The following RGL1 variants were observed in gnomAD, a reference collection of about 807,000 sequenced individuals.
RGL1 encodes the protein ral guanine nucleotide dissociation stimulator-like 1.
In RGL1, 24 loss-of-function variants were observed where a neutral mutation model predicts 95.2. The observed-to-expected ratio is 0.25, with a 90% confidence interval of 0.18 to 0.35. The LOEUF is 0.35. Among genes scored for constraint, RGL1 ranks in the 10% least tolerant of loss-of-function variants. The probability of loss-of-function intolerance (pLI) is 1.00; values close to 1 mark genes in which losing one functional copy is unlikely to be tolerated. For synonymous variants in RGL1, 329 were observed against 344.9 expected (o/e 0.95, Z 0.51); for missense variants, 715 against 936.3 (o/e 0.76, Z 3.08).
intron 4 of RGL1, among the ~76,000 whole-genome samples, chr1:183,877,918 G>GT: frequency 6.6e-6 from 1 of 152,290 alleles, no homozygotes; most frequent in African/African-American, 2.4e-5. Flanking sequence ...CTCCATAGAG[G>GT]TAAGTGCTGT....
chr1:183,667,455 G>T (rs995365674), intron 1 of RGL1, among the ~76,000 whole-genome samples: 1 of 152,042 alleles, frequency 6.6e-6, no homozygotes, highest in African/African-American at 2.4e-5. Flanking sequence ...CTCCTGAGTA[G>T]CTGGGATTAC....
chr1:183,917,799 T>C (rs1224064102), intron 16 of RGL1, among the ~76,000 whole-genome samples: 2 of 151,684 alleles, frequency 1.3e-5, no homozygotes, highest in African/African-American at 2.4e-5. Context: ...CACAGAGGAG[T>C]GTGTTAATCC....
chr1:183,697,742 A>G (rs1053947845), intron 1 of RGL1, among the ~76,000 whole-genome samples: 3 of 152,224 alleles, frequency 2.0e-5, no homozygotes, highest in Non-Finnish European at 4.4e-5. Context: ...CTGGTACTTC[A>G]TCTGCAGATG....
intron 1 of RGL1, among the ~76,000 whole-genome samples, chr1:183,668,706 G>GA (rs1652216169): frequency 6.6e-6 from 1 of 151,664 alleles, no homozygotes; most frequent in African/African-American, 2.4e-5. Flanking sequence ...TATCTTGCTT[G>GA]GTGTTCTCTG....
At chr1:183,922,878 A>G (rs1669393491) in intron 17 of RGL1, among the ~76,000 whole-genome samples, 1 of 152,236 alleles carries the variant, frequency 6.6e-6, no homozygotes, top group Admixed American at 6.5e-5. Context: ...AAGAACTGGT[A>G]ATCTATGAAA....
At position 183,716,525 on chromosome 1, in the gene RGL1, A is replaced by T. The variant is rs534055706; in HGVS notation, c.-32-25601A>T. On this transcript the variant is annotated intron_variant, in intron 1 of 18. Transcript: ENST00000304685. ...AGAAAAGAGCATGGAGAAGTGCCAC[A>T]TGGGAGGATTTTATGAGCTAGGCCA... 5.3e-5 allele frequency among the ~76,000 whole-genome samples: 8 copies of T among 152,328 alleles called. No homozygotes were observed. In the East Asian group the frequency reaches 1.3e-3, roughly 26 times the overall value.
At chr1:183,924,154 A>G (rs1669477111) in intron 17 of RGL1, among the ~76,000 whole-genome samples, 2 of 140,362 alleles carry the variant, frequency 1.4e-5, no homozygotes, top group Non-Finnish European at 3.2e-5. Context: ...TCTGCTATAA[A>G]GACACATGCA....
intron 1 of RGL1, among the ~76,000 whole-genome samples, chr1:183,737,651 C>T (rs1657024801): frequency 6.6e-6 from 1 of 151,812 alleles, no homozygotes; most frequent in South Asian, 2.1e-4. Flanking sequence ...CAAGCAAGCA[C>T]ATCTTTCTTC....
chr1:183,894,335 A>T (rs1230115572), intron 9 of RGL1, among the ~76,000 whole-genome samples: 1 of 152,202 alleles, frequency 6.6e-6, no homozygotes, highest in African/African-American at 2.4e-5. Context: ...ACCTTTCTTA[A>T]ATGCAGAAGT....
chr1:183,917,298 T>C (rs1385081782), intron 16 of RGL1, among the ~76,000 whole-genome samples: 1 of 152,194 alleles, frequency 6.6e-6, no homozygotes, highest in East Asian at 1.9e-4. Context: ...CTGAGGACAA[T>C]TGCAAAGATA....
intron 1 of RGL1, among the ~76,000 whole-genome samples, chr1:183,645,604 C>T (rs188064839): frequency 3.9e-5 from 6 of 152,340 alleles, no homozygotes; most frequent in Middle Eastern, 3.4e-3. Flanking sequence ...TCTCAATCCC[C>T]GGCCAGCCTG....
intron 1 of RGL1, among the ~76,000 whole-genome samples, chr1:183,674,414 C>T (rs1652681975): frequency 6.6e-6 from 1 of 152,038 alleles, no homozygotes; most frequent in Admixed American, 6.6e-5. Context: ...TCATGTATAG[C>T]CATCTTCCTG....
intron 1 of RGL1, among the ~76,000 whole-genome samples, chr1:183,651,812 G>A (rs773539551): frequency 2.6e-5 from 4 of 152,132 alleles, no homozygotes; most frequent in Admixed American, 2.0e-4. Flanking sequence ...GGCAGTGGAC[G>A]ATCTCTTGGA....
intron 1 of RGL1, chr1:183,647,911 C>T: frequency 6.2e-7 from 1 of 1,614,180 alleles, no homozygotes; most frequent in Non-Finnish European, 8.5e-7. Context: ...ACAAAAACAA[C>T]AGGAGCCCTG....
chr1:183,726,264 A>G (rs186506930), intron 1 of RGL1, among the ~76,000 whole-genome samples: 1 of 152,202 alleles, frequency 6.6e-6, no homozygotes, highest in African/African-American at 2.4e-5. Flanking sequence ...TAAACCCCAA[A>G]CTAGTAGGAA....
intron 10 of RGL1, among the ~76,000 whole-genome samples, chr1:183,899,061 T>G (rs1373579878): frequency 1.3e-5 from 2 of 152,198 alleles, no homozygotes; most frequent in Non-Finnish European, 2.9e-5. Context: ...GAATATAGTG[T>G]ATCCCTGCAG....
chr1:183,912,816 T>C (rs947265622), intron 15 of RGL1, among the ~76,000 whole-genome samples: 2 of 152,224 alleles, frequency 1.3e-5, no homozygotes, highest in African/African-American at 4.8e-5. Context: ...GCCCTTAGCA[T>C]GCTAAGACGG....
chr1:183,839,466 T>C (rs1047178182), intron 2 of RGL1, among the ~76,000 whole-genome samples: 4 of 152,220 alleles, frequency 2.6e-5, no homozygotes, highest in Non-Finnish European at 5.9e-5. Context: ...ATCTTCTTTT[T>C]GATTATTTGA....
rs747662818 is a variant in RGL1 at position 183,926,789 on chromosome 1, CTTTATT to C, written c.*503_*508del. 6.6e-6 allele frequency: 1 copy of C among 152,576 alleles called. No homozygotes were observed. The highest frequency in any genetic ancestry group is 1.5e-5 in the Non-Finnish European group (1 of 68,038). The allele number at this position is 152,576 out of a possible 1,614,324, so 9.5% of individuals were successfully genotyped here. A position where few individuals can be genotyped will look rare whatever the true frequency, so the allele number is the denominator to read the frequency against. On this transcript the variant is annotated 3_prime_UTR_variant, in exon 18 of 18. Transcript: ENST00000360851. ...GTGCCAGTATTACAAGAAGCCCAAA[CTTTATT>C]TTTATAAAGGGAGAGGATGACTTTC...
Sources: allele counts gnomAD v4.1 joint callset (sites outside exome capture counted in the v4.1 genomes callset), GRCh38; gene constraint gnomAD v4.1.1; transcripts MANE v1.5; gene names NCBI Gene and HGNC (gene_info 2026-07-23, HGNC 2026-07-21).